The following MAP2K4 variants were observed in gnomAD, a reference collection of about 807,000 sequenced individuals.
MAP2K4 encodes dual specificity mitogen-activated protein kinase kinase 4.
Under a neutral mutation model 48.5 loss-of-function variants are expected in MAP2K4, and 4 were observed. The ratio of observed to expected loss-of-function variants is 0.08; its 90% CI spans 0.04 to 0.19. MAP2K4 has a LOEUF of 0.19. MAP2K4 is among the 10% of genes least tolerant of loss of function. The probability of loss-of-function intolerance (pLI) is 1.00; values close to 1 mark genes in which losing one functional copy is unlikely to be tolerated. For missense variants in MAP2K4, 258 were observed against 493.3 expected, an observed-to-expected ratio of 0.52 and a Z score of 4.52; for synonymous variants, 166 against 173.1, an observed-to-expected ratio of 0.96 and a Z score of 0.32.
intron 4 of MAP2K4, among the ~76,000 whole-genome samples, chr17:12,097,665 C>G (rs1252644891): frequency 6.6e-6 from 1 of 152,180 alleles, no homozygotes; most frequent in African/African-American, 2.4e-5. Context: ...ATGTTTTCTT[C>G]CCAGTAATCT....
At chr17:12,107,083 A>G (rs1972138468) in intron 4 of MAP2K4, among the ~76,000 whole-genome samples, 1 of 152,166 alleles carries the variant, frequency 6.6e-6, no homozygotes, top group African/African-American at 2.4e-5. Flanking sequence ...AATGCAAGAA[A>G]TGTTTGAATG....
intron 1 of MAP2K4, among the ~76,000 whole-genome samples, chr17:12,024,049 C>A (rs1217410017): frequency 2.0e-5 from 3 of 152,146 alleles, no homozygotes; most frequent in Admixed American, 2.0e-4. Flanking sequence ...GTTCATATTA[C>A]TAGGTCCCAC....
intron 4 of MAP2K4, among the ~76,000 whole-genome samples, chr17:12,101,070 T>G (rs184341683): frequency 2.0e-5 from 3 of 152,244 alleles, no homozygotes; most frequent in Admixed American, 1.3e-4. Context: ...AATGTTGATA[T>G]AGGCCAATTT....
intron 6 of MAP2K4, among the ~76,000 whole-genome samples, chr17:12,112,863 T>TA (rs1972350814): frequency 6.6e-6 from 1 of 152,252 alleles, no homozygotes; most frequent in East Asian, 1.9e-4. Context: ...ATTCAGTTTT[T>TA]AAGCACTGGC....
intron 3 of MAP2K4, among the ~76,000 whole-genome samples, chr17:12,089,212 C>T (rs1230602273): frequency 1.1e-4 from 16 of 151,928 alleles, no homozygotes; most frequent in Admixed American, 7.9e-4. Flanking sequence ...CTGCCTGGCT[C>T]AGAATACAGA....
At chr17:12,070,169 G>T (rs368952349) in intron 2 of MAP2K4, among the ~76,000 whole-genome samples, 6 of 151,208 alleles carry the variant, frequency 4.0e-5, no homozygotes, top group African/African-American at 7.3e-5. Context: ...ATAATAAAAG[G>T]TTCTTACGGA....
intron 1 of MAP2K4, among the ~76,000 whole-genome samples, chr17:12,046,462 A>T (rs1969967739): frequency 6.6e-6 from 1 of 152,204 alleles, no homozygotes; most frequent in Non-Finnish European, 1.5e-5. Flanking sequence ...ATGGGGTTGG[A>T]CTAATCATGA....
At position 12,058,227 on chromosome 17, in the gene MAP2K4, CTTTTTTTT is replaced by C. The variant is rs144800120; in HGVS notation, c.218+3248_218+3255del. ...GAAAAGTGGAATTAACTAGACCTTT[CTTTTTTTT>C]TTTTTTTTTTTAAGTGGCAGGGTCT... On this transcript the variant is annotated intron_variant, in intron 2 of 10. Coordinates refer to ENST00000353533, the MANE Select transcript of MAP2K4 (RefSeq NM_003010.4). Among the ~76,000 whole-genome samples the C allele has an allele frequency of 1.8e-4, 23 of 130,052 alleles. No homozygotes were observed. In the East Asian group the frequency reaches 3.8e-3, roughly 22 times the overall value. 85.3% of individuals were successfully genotyped at this position (130,052 alleles called of 152,430 possible).
At chr17:12,134,116 A>G (rs150239681) in intron 9 of MAP2K4, among the ~76,000 whole-genome samples, 110 of 152,386 alleles carry the variant, frequency 7.2e-4, no homozygotes, top group Admixed American at 1.6e-3. Context: ...ATGATGCTGC[A>G]GTGATGGCTC....
chr17:12,110,510 A>G, intron 6 of MAP2K4, 84 bp downstream of exon 6: 1 of 916,390 alleles, frequency 1.1e-6, no homozygotes, highest in Non-Finnish European at 1.7e-6. Flanking sequence ...TTACAGTGTC[A>G]CTGTATAAAC....
chr17:12,126,006 G>A (rs969116904), intron 8 of MAP2K4, among the ~76,000 whole-genome samples: 10 of 152,150 alleles, frequency 6.6e-5, no homozygotes, highest in Non-Finnish European at 1.3e-4. Context: ...GAGAGAGAGT[G>A]AAGGGGAAGG....
intron 9 of MAP2K4, among the ~76,000 whole-genome samples, chr17:12,133,191 C>G (rs1235146471): frequency 3.3e-5 from 5 of 152,134 alleles, no homozygotes; most frequent in Admixed American, 6.5e-5. Context: ...AAGCGATTCT[C>G]CTGCCTCAGC....
chr17:12,097,315 G>A (rs757594), intron 4 of MAP2K4, among the ~76,000 whole-genome samples: 101,192 of 152,140 alleles, frequency 0.67, 35,023 homozygotes, highest in South Asian at 0.8. Context: ...CCCCAGCTCT[G>A]CCTGAACCCT....
At chr17:12,083,798 G>T (rs1261479121) in intron 3 of MAP2K4, among the ~76,000 whole-genome samples, 1 of 152,128 alleles carries the variant, frequency 6.6e-6, no homozygotes, top group East Asian at 1.9e-4. Context: ...ACATTGACTG[G>T]ATTGACAGGC....
At chr17:12,131,727 A>T (rs929307423) in intron 9 of MAP2K4, among the ~76,000 whole-genome samples, 27 of 151,304 alleles carry the variant, frequency 1.8e-4, no homozygotes, top group East Asian at 7.7e-4. Context: ...AAGATTGATT[A>T]AAAAAAAATG....
intron 9 of MAP2K4, among the ~76,000 whole-genome samples, chr17:12,132,213 C>T (rs1420904322): frequency 6.6e-6 from 1 of 152,084 alleles, no homozygotes; most frequent in Admixed American, 6.5e-5. Flanking sequence ...ATGTATACAC[C>T]ATGGTTCAGC....
In MAP2K4 at chr17:12,035,227, T is replaced by C. The variant is rs28918092; in HGVS notation, c.115+14226T>C. ...AAAGTGGTCACACTTTTCTTTAAAA[T>C]TGGGCTTGGGCTGGGCACGGTGGCT... On this transcript the variant is annotated intron_variant, in intron 1 of 10. Coordinates refer to ENST00000353533, the MANE Select transcript of MAP2K4 (RefSeq NM_003010.4). 8.0e-3 allele frequency among the ~76,000 whole-genome samples: 1,224 copies of C among 152,268 alleles called. 16 individuals are homozygous for C. The highest frequency in any genetic ancestry group is 0.028 in the African/African-American group (1,149 of 41,538).
rs183203170 is a variant in MAP2K4 at position 12,111,706 on chromosome 17, G to A, written c.685+1280G>A. The stretch of plus-strand genomic sequence containing the variant: ...AGCCATCTTTTATCAGTTAGGATCA[G>A]TTAGCTTTTTTGTTGGAGTCAGTGC... On this transcript the variant is annotated intron_variant, in intron 6 of 10. Transcript: ENST00000353533. 2.9e-3 allele frequency among the ~76,000 whole-genome samples: 449 copies of A among 152,258 alleles called. 1 individual carries two copies. The highest frequency in any genetic ancestry group is 5.8e-3 in the Non-Finnish European group (396 of 68,012).
chr17:12,134,292 G>T (rs557028870), intron 9 of MAP2K4, among the ~76,000 whole-genome samples: 118 of 152,146 alleles, frequency 7.8e-4, no homozygotes, highest in Non-Finnish European at 1.4e-3. Flanking sequence ...TCGGAGAATT[G>T]TACCTAAGAA....
Sources: gnomAD v4.1 joint callset for allele counts (sites outside exome capture counted in the v4.1 genomes callset) on GRCh38, gnomAD v4.1.1 for gene constraint, MANE v1.5 for transcripts, NCBI Gene and HGNC (gene_info 2026-07-23, HGNC 2026-07-21) for gene names.